Variants in CHRM3 observed in about 807,000 individuals in gnomAD.
CHRM3 encodes cholinergic receptor muscarinic 3.
In CHRM3, 11 loss-of-function variants were observed where a neutral mutation model predicts 41.8. The ratio of observed to expected loss-of-function variants is 0.26; its 90% CI spans 0.17 to 0.44. The LOEUF (loss-of-function observed/expected upper bound fraction) is 0.44. Ranked by LOEUF, CHRM3 falls within the 20% of genes least tolerant of loss-of-function variation. The probability of loss-of-function intolerance (pLI) is 1.00; values close to 1 mark genes in which losing one functional copy is unlikely to be tolerated. For synonymous variants in CHRM3, 297 were observed against 301.4 expected (o/e 0.99, Z 0.15); for missense variants, 571 against 745.4 (o/e 0.77, Z 2.72).
chr1:239,411,448 C>G (rs1008069661), intron 1 of CHRM3, among the ~76,000 whole-genome samples: 1 of 152,000 alleles, frequency 6.6e-6, no homozygotes, highest in Non-Finnish European at 1.5e-5. Context: ...AGTTGTGGAC[C>G]GGGCGTGGTG....
In CHRM3 at chr1:239,611,481, C is replaced by T. The variant is rs574689564; in HGVS notation, c.-312-20743C>T. On this transcript the variant is annotated intron_variant, in intron 3 of 6. Coordinates refer to ENST00000676153, the MANE Select transcript of CHRM3 (RefSeq NM_001375978.1). ...CTGTTGCTAGGCTAGAGTGCTGTGGCGCGATCTTGGCTCACTGCAACCTCC... is the reference window on the plus strand; with the variant it reads ...CTGTTGCTAGGCTAGAGTGCTGTGGTGCGATCTTGGCTCACTGCAACCTCC... Among the ~76,000 whole-genome samples, 22 of 127,122 alleles carry T rather than the reference C, an allele frequency of 1.7e-4. No homozygotes were observed. The South Asian group carries it at 4.3e-3, about 25-fold the overall frequency. The allele number at this position is 127,122 out of a possible 152,430, so 83.4% of individuals were successfully genotyped here. A position where few individuals can be genotyped will look rare whatever the true frequency, so the allele number is the denominator to read the frequency against.
At chr1:239,721,364 C>G (rs747495172) in intron 5 of CHRM3, among the ~76,000 whole-genome samples, 2 of 151,894 alleles carry the variant, frequency 1.3e-5, no homozygotes, top group East Asian at 2.0e-4. Context: ...ATGAGAATCC[C>G]GGTACTTCAG....
chr1:239,843,931 C>G (rs540208830), intron 6 of CHRM3, among the ~76,000 whole-genome samples: 1 of 151,924 alleles, frequency 6.6e-6, no homozygotes, highest in South Asian at 2.1e-4. Context: ...TACATACATA[C>G]GTGTCTATAT....
At chr1:239,494,573 A>G (rs1667760607) in intron 2 of CHRM3, among the ~76,000 whole-genome samples, 1 of 152,106 alleles carries the variant, frequency 6.6e-6, no homozygotes, top group Non-Finnish European at 1.5e-5. Flanking sequence ...TCCAGAATAC[A>G]TGTGCAAGAT....
intron 1 of CHRM3, among the ~76,000 whole-genome samples, chr1:239,394,804 A>G (rs1328998541): frequency 6.6e-6 from 1 of 152,174 alleles, no homozygotes; most frequent in Non-Finnish European, 1.5e-5. Flanking sequence ...TTTCTTCCAC[A>G]AGAAAATCTT....
At chr1:239,884,896 C>A (rs1272656182) in intron 6 of CHRM3, among the ~76,000 whole-genome samples, 1 of 152,044 alleles carries the variant, frequency 6.6e-6, no homozygotes, top group Admixed American at 6.6e-5. Context: ...GGTAAAAAAA[C>A]AAGCATAATA....
chr1:239,485,917 A>G (rs1667157808), intron 1 of CHRM3, among the ~76,000 whole-genome samples: 1 of 152,092 alleles, frequency 6.6e-6, no homozygotes, highest in Non-Finnish European at 1.5e-5. Flanking sequence ...TACGGTCTGT[A>G]TTGTTTCTTT....
At chr1:239,833,046 C>G (rs1472388753) in intron 6 of CHRM3, among the ~76,000 whole-genome samples, 1 of 152,116 alleles carries the variant, frequency 6.6e-6, no homozygotes, top group Non-Finnish European at 1.5e-5. Context: ...TCTGACAAAA[C>G]CATCTCTGGA....
intron 5 of CHRM3, among the ~76,000 whole-genome samples, chr1:239,696,192 G>A (rs749938048): frequency 2.6e-5 from 4 of 152,140 alleles, no homozygotes; most frequent in Non-Finnish European, 5.9e-5. Context: ...TGGAAATAGT[G>A]ATAGCTGTCC....
intron 3 of CHRM3, among the ~76,000 whole-genome samples, chr1:239,584,108 CTTTTTTTTT>C (rs769127124): frequency 8.0e-6 from 1 of 124,424 alleles, no homozygotes; most frequent in African/African-American, 3.2e-5. Context: ...TCTTCTTCTT[CTTTTTTTTT>C]TTTTTTTTTT....
chr1:239,412,568 A>C (rs1661184937), intron 1 of CHRM3, among the ~76,000 whole-genome samples: 1 of 151,242 alleles, frequency 6.6e-6, no homozygotes, highest in Non-Finnish European at 1.5e-5. Flanking sequence ...GGTTATCAGG[A>C]AGATGAAATG....
In CHRM3 at chr1:239,891,963, G is replaced by C. The variant is rs115884355; in HGVS notation, c.-19-15470G>C. Among the ~76,000 whole-genome samples, 205 of 152,282 alleles carry C rather than the reference G, an allele frequency of 1.3e-3. 2 individuals are homozygous for C. The highest frequency in any genetic ancestry group is 4.8e-3 in the African/African-American group (199 of 41,558). Reference sequence around the variant, plus strand: ...GTGTCTGATCTATCCCATCACAGCCGAGAACTCGGTGTTCAAGGTCACCCT... The same window carrying C: ...GTGTCTGATCTATCCCATCACAGCCCAGAACTCGGTGTTCAAGGTCACCCT... On this transcript the variant is annotated intron_variant, in intron 6 of 6. Transcript: ENST00000676153.
chr1:239,719,296 T>C (rs538868988), intron 5 of CHRM3, among the ~76,000 whole-genome samples: 1 of 152,092 alleles, frequency 6.6e-6, no homozygotes, highest in African/African-American at 2.4e-5. Flanking sequence ...CTCTTGGTTA[T>C]ACCTGTCCAC....
At chr1:239,879,417 G>T (rs762184173) in intron 6 of CHRM3, among the ~76,000 whole-genome samples, 2 of 152,192 alleles carry the variant, frequency 1.3e-5, no homozygotes, top group Non-Finnish European at 1.5e-5. Flanking sequence ...GTGCTTTCCA[G>T]GTTTTATCAG....
At chr1:239,895,172 C>G (rs761813615) in intron 6 of CHRM3, among the ~76,000 whole-genome samples, 14 of 152,216 alleles carry the variant, frequency 9.2e-5, no homozygotes, top group Non-Finnish European at 1.6e-4. Flanking sequence ...AGCAGTTCCA[C>G]GACAACTGCC....
At chr1:239,449,661 A>C (rs937340801) in intron 1 of CHRM3, among the ~76,000 whole-genome samples, 1 of 152,154 alleles carries the variant, frequency 6.6e-6, no homozygotes, top group Non-Finnish European at 1.5e-5. Flanking sequence ...ATAGTTAATT[A>C]CAGTATTTAC....
At chr1:239,590,061 G>T (rs758340809) in intron 3 of CHRM3, among the ~76,000 whole-genome samples, 1 of 151,844 alleles carries the variant, frequency 6.6e-6, no homozygotes, top group Non-Finnish European at 1.5e-5. Context: ...GATGGTCTTG[G>T]ACCTAAAATC....
At chr1:239,651,160 T>C (rs1672209418) in intron 4 of CHRM3, among the ~76,000 whole-genome samples, 3 of 152,104 alleles carry the variant, frequency 2.0e-5, no homozygotes, top group Admixed American at 2.0e-4. Context: ...TAGAAAAAAA[T>C]AGCTAACATA....
At chr1:239,883,497 ACTG>A (rs1677816063) in intron 6 of CHRM3, among the ~76,000 whole-genome samples, 1 of 152,178 alleles carries the variant, frequency 6.6e-6, no homozygotes, top group South Asian at 2.1e-4. Context: ...TTTAGCAAAC[ACTG>A]CTTGCTCTCT....
Sources: gnomAD v4.1 joint callset for allele counts (sites outside exome capture counted in the v4.1 genomes callset) on GRCh38, gnomAD v4.1.1 for gene constraint, MANE v1.5 for transcripts, NCBI Gene and HGNC (gene_info 2026-07-23, HGNC 2026-07-21) for gene names.